LPP: variants seen among roughly 807,000 people sequenced by gnomAD.
LPP encodes the protein lipoma-preferred partner.
In LPP, 38 loss-of-function variants were observed where a neutral mutation model predicts 60.4. The ratio of observed to expected loss-of-function variants is 0.63; its 90% CI spans 0.49 to 0.83. LPP has a LOEUF of 0.83. Among genes scored for constraint, LPP ranks in the 40% least tolerant of loss-of-function variants. The pLI is 0.00. For missense variants in LPP, 902 were observed against 783.6 expected (o/e 1.15, Z -1.80); for synonymous variants, 328 against 290.8 (o/e 1.13, Z -1.30).
chr3:188,456,425 G>T (rs115920640), intron 4 of LPP, among the ~76,000 whole-genome samples: 1 of 152,172 alleles, frequency 6.6e-6, no homozygotes. Context: ...GAGCGATAAC[G>T]TTATAAAAGA....
At chr3:188,283,384 A>C (rs1560198074) in intron 2 of LPP, among the ~76,000 whole-genome samples, 1 of 152,234 alleles carries the variant, frequency 6.6e-6, no homozygotes. Context: ...CATTTGTGAA[A>C]TTGAATGAAA....
chr3:188,586,885 G>A (rs2151048345), intron 6 of LPP, among the ~76,000 whole-genome samples: 1 of 151,950 alleles, frequency 6.6e-6, no homozygotes, highest in South Asian at 2.1e-4. Context: ...GCACCATCAG[G>A]CCCAGCTAAT....
chr3:188,740,921 C>A (rs1345747053), intron 8 of LPP, among the ~76,000 whole-genome samples: 1 of 151,830 alleles, frequency 6.6e-6, no homozygotes, highest in Non-Finnish European at 1.5e-5. Flanking sequence ...TTTCCATGAC[C>A]ATGCACAATT....
chr3:188,659,798 G>A (rs1258808481), intron 7 of LPP, among the ~76,000 whole-genome samples: 21 of 138,760 alleles, frequency 1.5e-4, no homozygotes, highest in Admixed American at 1.2e-3. Flanking sequence ...TCCTTGTGGG[G>A]TTAGATCCTA....
chr3:188,399,229 A>T (rs1380116994), intron 3 of LPP, among the ~76,000 whole-genome samples: 2 of 152,228 alleles, frequency 1.3e-5, no homozygotes, highest in African/African-American at 4.8e-5. Flanking sequence ...TTTCCACTAA[A>T]TACTGAGATG....
chr3:188,718,573 T>C (rs1715046553), intron 8 of LPP, among the ~76,000 whole-genome samples: 1 of 152,248 alleles, frequency 6.6e-6, no homozygotes, highest in African/African-American at 2.4e-5. Flanking sequence ...TCCAATTTAC[T>C]TGTAATATTT....
intron 2 of LPP, among the ~76,000 whole-genome samples, chr3:188,303,958 A>G (rs554002060): frequency 6.6e-6 from 1 of 152,118 alleles, no homozygotes. Context: ...ACCTATAATT[A>G]CCCTATACCT....
chr3:188,785,528 ATTC>A lies in LPP; in HGVS notation c.1410+25247_1410+25249del, dbSNP rs1741460565. On this transcript the variant is annotated intron_variant, in intron 9 of 11. Coordinates refer to ENST00000617246, the MANE Select transcript of LPP (RefSeq NM_001375462.1). ...TTCCATCATATATATATATATATAT[ATTC>A]CATCATATATATATATACACACACA... Among the ~76,000 whole-genome samples the A allele has an allele frequency of 8.2e-5, 3 of 36,612 alleles. 1 individual carries two copies. Among genetic ancestry groups the A allele is most frequent in the African/African-American group, 5.0e-4 (3 of 5,960 alleles). 24.0% of individuals were successfully genotyped at this position (36,612 alleles called of 152,430 possible). A position where few individuals can be genotyped will look rare whatever the true frequency, so the allele number is the denominator to read the frequency against.
rs562907900 is a variant in LPP at position 188,885,282 on chromosome 3, G to T, written c.*10803G>T. 2.1e-4 allele frequency: 41 copies of T among 198,724 alleles called. 1 individual carries two copies. In the Middle Eastern group the frequency reaches 5.2e-3, roughly 25 times the overall value. 12.3% of individuals were successfully genotyped at this position (198,724 alleles called of 1,614,324 possible). A position where few individuals can be genotyped will look rare whatever the true frequency, so the allele number is the denominator to read the frequency against. On this transcript the variant is annotated 3_prime_UTR_variant, in exon 12 of 12. Transcript: ENST00000617246. Reference sequence around the variant, plus strand: ...TAATCACACCTGATAAGTGTTTTATGCATTTCCCTCCCTGGAGTGTTATCA... The same window carrying T: ...TAATCACACCTGATAAGTGTTTTATTCATTTCCCTCCCTGGAGTGTTATCA...
intron 9 of LPP, among the ~76,000 whole-genome samples, chr3:188,767,923 C>T (rs532805235): frequency 2.6e-5 from 4 of 152,176 alleles, no homozygotes; most frequent in Admixed American, 2.0e-4. Context: ...TTGAAAAATA[C>T]TGCAATGTTT....
intron 6 of LPP, among the ~76,000 whole-genome samples, chr3:188,534,953 T>C (rs1823165693): frequency 6.6e-6 from 1 of 152,216 alleles, no homozygotes; most frequent in Admixed American, 6.5e-5. Context: ...TTTCAGTGGG[T>C]ATATTAATTA....
At chr3:188,543,809 A>T (rs150386431) in intron 6 of LPP, among the ~76,000 whole-genome samples, 3 of 152,310 alleles carry the variant, frequency 2.0e-5, no homozygotes, top group Non-Finnish European at 4.4e-5. Flanking sequence ...ACTAAGAAAG[A>T]TGGCATTGTA....
At chr3:188,354,789 A>G (rs1767015279) in intron 3 of LPP, among the ~76,000 whole-genome samples, 1 of 151,632 alleles carries the variant, frequency 6.6e-6, no homozygotes, top group Non-Finnish European at 1.5e-5. Context: ...CCCTGGGAAC[A>G]TTAATCAATG....
Position 188,330,357 on chromosome 3 carries a change from A to T in LPP, c.-66-11306A>T, listed in dbSNP as rs537862163. ...TGGAAGGAGGCTTGCAAACTTTCAAATGTATTGTGCTTTCATTTTCAACTT... is the reference window on the plus strand; with the variant it reads ...TGGAAGGAGGCTTGCAAACTTTCAATTGTATTGTGCTTTCATTTTCAACTT... On this transcript the variant is annotated intron_variant, in intron 2 of 11. Transcript: ENST00000617246. Among the ~76,000 whole-genome samples, 3 of 152,280 alleles carry T rather than the reference A, an allele frequency of 2.0e-5. No individual in the cohort carries two copies. In the East Asian group the frequency reaches 5.8e-4, roughly 29 times the overall value.
At chr3:188,650,002 C>A (rs1221877093) in intron 7 of LPP, among the ~76,000 whole-genome samples, 1 of 152,198 alleles carries the variant, frequency 6.6e-6, no homozygotes, top group Admixed American at 6.5e-5. Flanking sequence ...ATCTATCTAT[C>A]TATCCATCTG....
At chr3:188,168,184 G>GA (rs1166970116) in intron 1 of LPP, among the ~76,000 whole-genome samples, 3 of 152,112 alleles carry the variant, frequency 2.0e-5, no homozygotes, top group Non-Finnish European at 2.9e-5. Context: ...ATACTATGAA[G>GA]AAAAAAATAA....
At chr3:188,302,534 T>C (rs1577965712) in intron 2 of LPP, among the ~76,000 whole-genome samples, 1 of 152,210 alleles carries the variant, frequency 6.6e-6, no homozygotes, top group Non-Finnish European at 1.5e-5. Flanking sequence ...TTATGAACTT[T>C]ACTTTAGTAT....
chr3:188,426,475 G>T (rs1311132642), intron 4 of LPP, among the ~76,000 whole-genome samples: 1 of 152,082 alleles, frequency 6.6e-6, no homozygotes, highest in Non-Finnish European at 1.5e-5. Context: ...GGTCTGCTTG[G>T]TCTAGAGCTG....
At chr3:188,328,902 T>TTCAA (rs1379197744) in intron 2 of LPP, among the ~76,000 whole-genome samples, 1 of 152,214 alleles carries the variant, frequency 6.6e-6, no homozygotes, top group Admixed American at 6.5e-5. Context: ...ATTGATACGT[T>TTCAA]TCAATGCATT....
Sources: gnomAD v4.1 joint callset for allele counts (sites outside exome capture counted in the v4.1 genomes callset) on GRCh38, gnomAD v4.1.1 for gene constraint, MANE v1.5 for transcripts, NCBI Gene and HGNC (gene_info 2026-07-23, HGNC 2026-07-21) for gene names.